DPP6: variants seen among roughly 807,000 people sequenced by gnomAD.
DPP6 encodes the protein A-type potassium channel modulatory protein DPP6.
DPP6 carries 69 observed loss-of-function variants against 122.6 expected under a neutral mutation model. That is an observed-to-expected ratio of 0.56 (90% CI 0.46 to 0.69). DPP6 has a LOEUF of 0.69. DPP6 is among the 30% of genes least tolerant of loss of function. DPP6 has a pLI of 0.00. For synonymous variants in DPP6, 418 were observed against 433.1 expected (o/e 0.97, Z 0.43); for missense variants, 928 against 1,116.9 (o/e 0.83, Z 2.41).
At chr7:154,856,061 A>C (rs1203371821) in intron 17 of DPP6, among the ~76,000 whole-genome samples, 1 of 152,200 alleles carries the variant, frequency 6.6e-6, no homozygotes, top group Non-Finnish European at 1.5e-5. Flanking sequence ...ACAGGACTCT[A>C]TGCACTATTT....
At chr7:153,774,198 G>T in the DPP6 span, among the ~76,000 whole-genome samples, 1 of 152,150 alleles carries the variant, frequency 6.6e-6, no homozygotes, top group Non-Finnish European at 1.5e-5. Flanking sequence ...AGACACATCA[G>T]CAAAGTGGGT....
intron 5 of DPP6, among the ~76,000 whole-genome samples, chr7:154,615,445 A>G: frequency 6.6e-6 from 1 of 152,212 alleles, no homozygotes. Context: ...TATTAATCAC[A>G]TATTGAATTT....
chr7:154,041,617 C>G (rs111907735), intron 1 of DPP6, among the ~76,000 whole-genome samples: 2,112 of 152,288 alleles, frequency 0.014, 46 homozygotes, highest in African/African-American at 0.048. Flanking sequence ...GAAACAATTC[C>G]TGGCTGAAAG....
intron 6 of DPP6, among the ~76,000 whole-genome samples, chr7:154,651,194 C>G (rs563852343): frequency 2.0e-5 from 3 of 152,032 alleles, no homozygotes; most frequent in African/African-American, 7.3e-5. Flanking sequence ...TAGCACTGCA[C>G]TAGGTACTGT....
chr7:153,922,876 C>A (rs1389266028), intron 1 of DPP6, among the ~76,000 whole-genome samples: 1 of 152,154 alleles, frequency 6.6e-6, no homozygotes, highest in Non-Finnish European at 1.5e-5. Flanking sequence ...CTTTGGACAA[C>A]AATCAAAAAA....
intron 1 of DPP6, among the ~76,000 whole-genome samples, chr7:154,408,659 A>G (rs1816327065): frequency 6.6e-6 from 1 of 151,986 alleles, no homozygotes; most frequent in Non-Finnish European, 1.5e-5. Flanking sequence ...CAGTTTTCCC[A>G]TGAATATTTT....
At chr7:153,944,324 T>C (rs1047579375) in intron 1 of DPP6, among the ~76,000 whole-genome samples, 2 of 152,188 alleles carry the variant, frequency 1.3e-5, no homozygotes, top group African/African-American at 4.8e-5. Context: ...TTTGAACATA[T>C]ACTCACCCGA....
intron 2 of DPP6, among the ~76,000 whole-genome samples, chr7:154,449,884 T>A (rs1484615906): frequency 6.6e-6 from 1 of 152,026 alleles, no homozygotes. Flanking sequence ...AACACATGCC[T>A]GTAGTCCCAG....
chr7:153,810,125 T>A, the DPP6 span, among the ~76,000 whole-genome samples: 3 of 152,208 alleles, frequency 2.0e-5, no homozygotes, highest in African/African-American at 7.2e-5. Context: ...AAAAGCGAGT[T>A]TGCATGACAT....
chr7:153,801,725 C>T, the DPP6 span, among the ~76,000 whole-genome samples: 10 of 152,084 alleles, frequency 6.6e-5, no homozygotes, highest in East Asian at 3.9e-4. Flanking sequence ...TTTTGGAGGA[C>T]GTGGAAAACC....
At chr7:154,473,473 T>C (rs1433209225) in intron 2 of DPP6, among the ~76,000 whole-genome samples, 1 of 152,226 alleles carries the variant, frequency 6.6e-6, no homozygotes, top group Non-Finnish European at 1.5e-5. Context: ...TATTTGATAT[T>C]CAAGAGATCA....
intron 1 of DPP6, among the ~76,000 whole-genome samples, chr7:154,086,024 C>T (rs941343001): frequency 1.9e-4 from 29 of 151,950 alleles, no homozygotes; most frequent in African/African-American, 6.8e-4. Context: ...CCGCACCCAG[C>T]CAGCATTTAT....
intron 1 of DPP6, among the ~76,000 whole-genome samples, chr7:153,976,001 T>C (rs1243100438): frequency 6.6e-6 from 1 of 152,154 alleles, no homozygotes; most frequent in Non-Finnish European, 1.5e-5. Flanking sequence ...ATGTAGAAAA[T>C]GCTCAGTAAA....
chr7:154,194,566 G>C (rs575152198), intron 1 of DPP6, among the ~76,000 whole-genome samples: 6 of 152,332 alleles, frequency 3.9e-5, no homozygotes, highest in South Asian at 2.1e-4. Context: ...AGCCAGAGAT[G>C]CCCTTTCTGC....
intron 16 of DPP6, among the ~76,000 whole-genome samples, chr7:154,841,838 G>T (rs1448813808): frequency 6.6e-6 from 1 of 152,004 alleles, no homozygotes; most frequent in African/African-American, 2.4e-5. Context: ...CATAAAATTG[G>T]ATTGAAGCAA....
At chr7:154,186,386 T>C (rs1000300921) in intron 1 of DPP6, among the ~76,000 whole-genome samples, 15 of 152,366 alleles carry the variant, frequency 9.8e-5, no homozygotes, top group Middle Eastern at 3.4e-3. Context: ...ATTTTCTCTT[T>C]CACAGATGAA....
chr7:154,613,917 C>T (rs964396225), intron 5 of DPP6, among the ~76,000 whole-genome samples: 37 of 152,214 alleles, frequency 2.4e-4, no homozygotes, highest in African/African-American at 7.2e-5. Flanking sequence ...TGGCCAGCCA[C>T]GCCCTGCGCC....
In DPP6 at chr7:154,114,825, T is replaced by C. The variant is rs540338112; in HGVS notation, c.243+61762T>C. On this transcript the variant is annotated intron_variant, in intron 1 of 25. Transcript: ENST00000377770. ...TTGCTGCCAGAATGTCCTCCCTGATTTACACCTGACTTCGGCAACATCTGA... is the reference window on the plus strand; with the variant it reads ...TTGCTGCCAGAATGTCCTCCCTGATCTACACCTGACTTCGGCAACATCTGA... 6.3e-3 allele frequency among the ~76,000 whole-genome samples: 960 copies of C among 152,312 alleles called. 13 individuals carry two copies. Among genetic ancestry groups the C allele is most frequent in the African/African-American group, 0.022 (925 of 41,566 alleles).
At chr7:153,980,215 A>G (rs561335920) in intron 1 of DPP6, among the ~76,000 whole-genome samples, 25 of 152,052 alleles carry the variant, frequency 1.6e-4, no homozygotes, top group Non-Finnish European at 2.4e-4. Context: ...TACTGTATCA[A>G]TTTCCGAACT....
Sources: allele counts gnomAD v4.1 joint callset (sites outside exome capture counted in the v4.1 genomes callset), GRCh38; gene constraint gnomAD v4.1.1; transcripts MANE v1.5; gene names NCBI Gene and HGNC (gene_info 2026-07-23, HGNC 2026-07-21).